Variants in TRDN observed in about 807,000 individuals in gnomAD.
TRDN encodes triadin.
In TRDN, 161 loss-of-function variants were observed where a neutral mutation model predicts 149.7. The ratio of observed to expected loss-of-function variants is 1.08; its 90% confidence interval spans 0.95 to 1.23. TRDN has a LOEUF of 1.23. Ranked by LOEUF, TRDN falls within the 50% of genes most tolerant of loss-of-function variation. The pLI, the probability that TRDN is intolerant of heterozygous loss-of-function variation, is 0.00. For missense variants in TRDN, 896 were observed against 823.5 expected, an observed-to-expected ratio of 1.09 and a Z score of -1.08; for synonymous variants, 294 against 250.5, an observed-to-expected ratio of 1.17 and a Z score of -1.64.
intron 2 of TRDN, among the ~76,000 whole-genome samples, chr6:123,566,650 C>G (rs1782312822): frequency 6.6e-6 from 1 of 152,122 alleles, no homozygotes; most frequent in Admixed American, 6.5e-5. Flanking sequence ...TTACCACTAG[C>G]CTTGTTTTGT....
At chr6:123,392,684 C>T (rs1378568960) in intron 13 of TRDN, among the ~76,000 whole-genome samples, 1 of 151,978 alleles carries the variant, frequency 6.6e-6, no homozygotes, top group Admixed American at 6.6e-5. Context: ...ATCATTCTAG[C>T]TTATTTTGCT....
chr6:123,306,058 T>C (rs1481310329), intron 24 of TRDN, among the ~76,000 whole-genome samples: 1 of 152,184 alleles, frequency 6.6e-6, no homozygotes, highest in Non-Finnish European at 1.5e-5. Context: ...TACTGACGGT[T>C]TTTTGTATGA....
intron 2 of TRDN, among the ~76,000 whole-genome samples, chr6:123,569,169 C>A (rs1386724275): frequency 3.3e-5 from 5 of 152,178 alleles, no homozygotes; most frequent in African/African-American, 1.2e-4. Flanking sequence ...TTCTACAGAT[C>A]CCTAGGGCAT....
chr6:123,313,333 G>A lies in TRDN; in HGVS notation c.1510+3124C>T, dbSNP rs78189395. Among the ~76,000 whole-genome samples, 465 of 152,018 alleles carry A rather than the reference G, an allele frequency of 3.1e-3. 16 individuals carry two copies. In the East Asian group the frequency reaches 0.077, roughly 25 times the overall value. On this transcript the variant is annotated intron_variant, in intron 24 of 40. Coordinates refer to ENST00000334268, the MANE Select transcript of TRDN (RefSeq NM_006073.4). Reference sequence around the variant, plus strand: ...CTCAGTTCTGATCACTTGCTGGAGAGGTGATATAGTCATTTTAAGGGAAGA... The same window carrying A: ...CTCAGTTCTGATCACTTGCTGGAGAAGTGATATAGTCATTTTAAGGGAAGA...
At chr6:123,294,781 C>G (rs1028871823) in intron 24 of TRDN, among the ~76,000 whole-genome samples, 1 of 152,062 alleles carries the variant, frequency 6.6e-6, no homozygotes, top group South Asian at 2.1e-4. Context: ...TAGATTACCA[C>G]GATTTTACCA....
At chr6:123,326,235 C>A (rs1292612552) in intron 23 of TRDN, among the ~76,000 whole-genome samples, 1 of 152,100 alleles carries the variant, frequency 6.6e-6, no homozygotes, top group Non-Finnish European at 1.5e-5. Flanking sequence ...AAGTGTATCT[C>A]CAACCCAAAT....
intron 2 of TRDN, among the ~76,000 whole-genome samples, chr6:123,555,996 A>G (rs1781635063): frequency 6.6e-6 from 1 of 152,004 alleles, no homozygotes; most frequent in Non-Finnish European, 1.5e-5. Flanking sequence ...TTGAAACTAA[A>G]TATGTAGGAT....
intron 12 of TRDN, among the ~76,000 whole-genome samples, chr6:123,396,646 G>T (rs1772744586): frequency 6.6e-6 from 1 of 152,078 alleles, no homozygotes; most frequent in South Asian, 2.1e-4. Flanking sequence ...GAAACATGCG[G>T]TATTTATATA....
chr6:123,275,468 T>G (rs1044795673), intron 26 of TRDN, among the ~76,000 whole-genome samples: 2 of 152,144 alleles, frequency 1.3e-5, no homozygotes, highest in African/African-American at 4.8e-5. Flanking sequence ...TAAAAAGAAG[T>G]GTTGCTTTGT....
At chr6:123,567,463 A>G (rs1170853816) in intron 2 of TRDN, among the ~76,000 whole-genome samples, 2 of 152,178 alleles carry the variant, frequency 1.3e-5, no homozygotes, top group African/African-American at 4.8e-5. Flanking sequence ...TTTATAAAGA[A>G]AAGAAGTTCA....
At chr6:123,516,856 C>T (rs757438115) in intron 5 of TRDN, among the ~76,000 whole-genome samples, 12 of 152,070 alleles carry the variant, frequency 7.9e-5, no homozygotes, top group East Asian at 1.9e-4. Flanking sequence ...AGACTCATCC[C>T]AATTTGTCTT....
intron 1 of TRDN, among the ~76,000 whole-genome samples, chr6:123,592,430 G>A (rs1472846076): frequency 1.3e-5 from 2 of 152,126 alleles, no homozygotes; most frequent in Non-Finnish European, 2.9e-5. Context: ...ACTGTCGGGG[G>A]ACTCAACCTT....
intron 1 of TRDN, among the ~76,000 whole-genome samples, chr6:123,595,221 C>G (rs1431257991): frequency 1.3e-5 from 2 of 152,058 alleles, no homozygotes; most frequent in African/African-American, 4.8e-5. Context: ...TTAATTTATT[C>G]CATTGTTCAT....
chr6:123,274,798 A>C, intron 26 of TRDN, 128 bp from the exon 27 acceptor site: 1 of 827,084 alleles, frequency 1.2e-6, no homozygotes, highest in East Asian at 2.9e-5. Context: ...GCTTGAACCC[A>C]GGAGGCAGAG....
chr6:123,567,890 T>A (rs924851823), intron 2 of TRDN, among the ~76,000 whole-genome samples: 1 of 152,134 alleles, frequency 6.6e-6, no homozygotes, highest in Non-Finnish European at 1.5e-5. Context: ...CACTGCAAAA[T>A]ACAATCATCC....
chr6:123,411,150 G>A (rs1464465696), intron 12 of TRDN, among the ~76,000 whole-genome samples: 1 of 150,906 alleles, frequency 6.6e-6, no homozygotes, highest in Non-Finnish European at 1.5e-5. Flanking sequence ...GGGTTCAAGC[G>A]ATTATCCAAC....
chr6:123,546,996 A>T (rs2114429370), intron 4 of TRDN, among the ~76,000 whole-genome samples: 1 of 152,198 alleles, frequency 6.6e-6, no homozygotes, highest in Middle Eastern at 3.4e-3. Flanking sequence ...TAAAATCAAT[A>T]AATCTGACCA....
chr6:123,446,573 A>T (rs1775377939), intron 10 of TRDN, among the ~76,000 whole-genome samples: 1 of 127,454 alleles, frequency 7.8e-6, no homozygotes, highest in African/African-American at 3.0e-5. Flanking sequence ...CAACAGAGCC[A>T]GATTCCATCT....
chr6:123,234,989 A>G (rs1213107013), intron 38 of TRDN, among the ~76,000 whole-genome samples: 2 of 152,116 alleles, frequency 1.3e-5, no homozygotes, highest in African/African-American at 4.8e-5. Context: ...GTGAGAACAT[A>G]ATAGCAGTAG....
Sources: allele counts gnomAD v4.1 joint callset (sites outside exome capture counted in the v4.1 genomes callset), GRCh38; gene constraint gnomAD v4.1.1; transcripts MANE v1.5; gene names NCBI Gene and HGNC (gene_info 2026-07-23, HGNC 2026-07-21).